CNOT2: variants seen among roughly 807,000 people sequenced by gnomAD.
The protein encoded by CNOT2 is CCR4-NOT transcription complex subunit 2.
Under a neutral mutation model 72.1 loss-of-function variants are expected in CNOT2, and 7 were observed. The ratio of observed to expected loss-of-function variants is 0.10; its 90% CI spans 0.06 to 0.18. The LOEUF (loss-of-function observed/expected upper bound fraction) is 0.18, where lower values mean the gene tolerates loss of function less well. Among genes scored for constraint, CNOT2 ranks in the 10% least tolerant of loss-of-function variants. CNOT2 has a pLI of 1.00. For synonymous variants in CNOT2, 196 were observed against 225.6 expected, an observed-to-expected ratio of 0.87 and a Z score of 1.17; for missense variants, 345 against 660.3, an observed-to-expected ratio of 0.52 and a Z score of 5.23.
At chr12:70,249,139 G>A (rs1958021971) in intron 1 of CNOT2, among the ~76,000 whole-genome samples, 1 of 151,906 alleles carries the variant, frequency 6.6e-6, no homozygotes, top group African/African-American at 2.4e-5. Flanking sequence ...GGAGCATTTG[G>A]TTTTGTGTCA....
At chr12:70,277,830 G>T (rs1425121103) in intron 1 of CNOT2, among the ~76,000 whole-genome samples, 1 of 152,076 alleles carries the variant, frequency 6.6e-6, no homozygotes, top group Non-Finnish European at 1.5e-5. Context: ...TGTGGGAGGG[G>T]TAAACTTTTT....
Position 70,278,212 on chromosome 12 carries a change from A to G in CNOT2, c.-15A>G, listed in dbSNP as rs1432714770. ...TTTGATTGCCTCCGGTACTGTGAGG[A>G]AAGGACACGACTCTATGGTGAGGAC... On this transcript the variant is annotated 5_prime_UTR_variant, in exon 2 of 16. Transcript: ENST00000229195. 1 of 1,606,790 alleles carries G rather than the reference A, an allele frequency of 6.2e-7. No individual in the cohort carries two copies. Among genetic ancestry groups the G allele is most frequent in the Non-Finnish European group, 8.5e-7 (1 of 1,174,070 alleles).
rs780772980 is a variant in CNOT2 at position 70,338,785 on chromosome 12, G to A, written c.1141G>A (p.Asp381Asn). ...PGMVHLALGS[D>N]LTTLGLNLNS... Reference sequence around the variant, plus strand: ...AATGGTACATCTTGCATTAGGAAGTGACTTAACAACATTAGGCCTCAATCT... The same window carrying A: ...AATGGTACATCTTGCATTAGGAAGTAACTTAACAACATTAGGCCTCAATCT... The change falls in exon 11 of 16, where the codon GAC becomes AAC. Residue 381 changes from aspartate to asparagine, a missense_variant. Coordinates refer to ENST00000229195, the MANE Select transcript of CNOT2 (RefSeq NM_014515.7). The A allele has an allele frequency of 6.2e-7, 1 of 1,613,522 alleles. No individual in the cohort carries two copies. Among genetic ancestry groups the A allele is most frequent in the East Asian group, 2.2e-5 (1 of 44,830 alleles).
At chr12:70,336,086 G>C (rs1170119404) in intron 8 of CNOT2, 1 of 152,374 alleles carries the variant, frequency 6.6e-6, no homozygotes, top group African/African-American at 2.4e-5. Flanking sequence ...TCCTGGCCTT[G>C]GCCTACAAGA....
At chr12:70,319,904 TCTA>T (rs1275342961) in intron 4 of CNOT2, among the ~76,000 whole-genome samples, 1 of 151,754 alleles carries the variant, frequency 6.6e-6, no homozygotes, top group Admixed American at 6.6e-5. Flanking sequence ...TTTGCAGGCT[TCTA>T]CTTCTATTTT....
intron 1 of CNOT2, among the ~76,000 whole-genome samples, chr12:70,256,696 G>A (rs747626131): frequency 2.6e-5 from 4 of 151,734 alleles, no homozygotes; most frequent in Non-Finnish European, 4.4e-5. Context: ...CTAGAGAACC[G>A]TTGTTAACTG....
intron 1 of CNOT2, among the ~76,000 whole-genome samples, chr12:70,271,365 A>C (rs1959216268): frequency 7.0e-6 from 1 of 142,326 alleles, no homozygotes; most frequent in South Asian, 2.2e-4. Flanking sequence ...GCTTACACTG[A>C]TCACATTTCC....
At chr12:70,244,310 A>G (rs1957765423) in intron 1 of CNOT2, 3 of 152,326 alleles carry the variant, frequency 2.0e-5, no homozygotes, top group Admixed American at 2.0e-4. Context: ...GGGCCTCTCC[A>G]CCTTTTGCTG....
At position 70,304,646 on chromosome 12, in the gene CNOT2, G is replaced by T. The variant is rs1219743881; in HGVS notation, c.49-6249G>T. Among the ~76,000 whole-genome samples, 5 of 152,230 alleles carry T rather than the reference G, an allele frequency of 3.3e-5. No individual in the cohort carries two copies. In the East Asian group the frequency reaches 9.6e-4, roughly 29 times the overall value. On this transcript the variant is annotated intron_variant, in intron 2 of 15. Transcript: ENST00000229195. ...AGGGACCCACTTGTGGAGGCAGTCT[G>T]CCCGTTCTCACATCTCAAGCTGTGT...
At chr12:70,335,664 A>G (rs1880580401) in intron 8 of CNOT2, 101 bp downstream of exon 8, 2 of 806,986 alleles carry the variant, frequency 2.5e-6, no homozygotes, top group African/African-American at 1.7e-5. Context: ...GTGTGTACAC[A>G]TGTATGTTTG....
chr12:70,316,320 AATAGTACTTACTGTTCTGTCAGAGT>A (rs1877322351), intron 3 of CNOT2, among the ~76,000 whole-genome samples: 1 of 152,180 alleles, frequency 6.6e-6, no homozygotes, highest in Non-Finnish European at 1.5e-5. Context: ...GTTTTCTGCT[AATAGTACTTACTGTTCTGTCAGAGT>A]ATATTTCTTG....
chr12:70,304,015 G>A (rs2135929855), intron 2 of CNOT2, among the ~76,000 whole-genome samples: 1 of 152,268 alleles, frequency 6.6e-6, no homozygotes, highest in East Asian at 1.9e-4. Context: ...TGAGGCTTGT[G>A]CATTCGTCAC....
intron 1 of CNOT2, among the ~76,000 whole-genome samples, chr12:70,260,077 A>C (rs1393340044): frequency 6.6e-6 from 1 of 152,150 alleles, no homozygotes; most frequent in Non-Finnish European, 1.5e-5. Context: ...TTTTGAAAAC[A>C]GGAATTTTTG....
chr12:70,304,300 T>TG (rs1230445878), intron 2 of CNOT2, among the ~76,000 whole-genome samples: 4 of 152,220 alleles, frequency 2.6e-5, no homozygotes, highest in Admixed American at 6.5e-5. Context: ...GTTTCCAGTT[T>TG]TTCTGCTCTG....
rs562598107 is a variant in CNOT2, at chr12:70,349,624, T to C, written c.1536+3300T>C. Among the ~76,000 whole-genome samples, 212 of 152,308 alleles carry C rather than the reference T, an allele frequency of 1.4e-3. 1 individual carries two copies. Among genetic ancestry groups the C allele is most frequent in the African/African-American group, 4.9e-3 (202 of 41,566 alleles). On this transcript the variant is annotated intron_variant, in intron 15 of 15. Coordinates refer to ENST00000229195, the MANE Select transcript of CNOT2 (RefSeq NM_014515.7). The stretch of plus-strand genomic sequence containing the variant: ...TCTAAACCAGAAGTATTTCTTATCC[T>C]CTAAAAATTTTGTGACCCTGAGTTC...
At chr12:70,244,662 TTTCATTTTCATAAAAGTCTTG>T (rs1957791346) in intron 1 of CNOT2, among the ~76,000 whole-genome samples, 1 of 152,218 alleles carries the variant, frequency 6.6e-6, no homozygotes, top group Admixed American at 6.5e-5. Flanking sequence ...ACATATTTTG[TTTCATTTTCATAAAAGTCTTG>T]GTCAGAGAAT....
intron 2 of CNOT2, among the ~76,000 whole-genome samples, chr12:70,300,854 A>G (rs1475841480): frequency 1.3e-5 from 2 of 152,210 alleles, no homozygotes; most frequent in Non-Finnish European, 2.9e-5. Flanking sequence ...ACGTATGAGC[A>G]TGGAATGTTC....
intron 1 of CNOT2, among the ~76,000 whole-genome samples, chr12:70,262,444 T>C (rs1958820264): frequency 6.6e-6 from 1 of 151,962 alleles, no homozygotes; most frequent in African/African-American, 2.4e-5. Flanking sequence ...CGGTCAATTT[T>C]TTTGTATTTT....
chr12:70,260,676 C>G (rs1040323931), intron 1 of CNOT2, among the ~76,000 whole-genome samples: 3 of 152,004 alleles, frequency 2.0e-5, no homozygotes, highest in Non-Finnish European at 4.4e-5. Context: ...GTTGAATTGG[C>G]TATTTTCTCT....
Sources: gnomAD v4.1 joint callset for allele counts (sites outside exome capture counted in the v4.1 genomes callset) on GRCh38, gnomAD v4.1.1 for gene constraint, MANE v1.5 for transcripts, NCBI Gene and HGNC (gene_info 2026-07-23, HGNC 2026-07-21) for gene names.